ZNF131: variants seen among roughly 807,000 people sequenced by gnomAD.
ZNF131 encodes zinc finger protein 131.
In ZNF131, 7 loss-of-function variants were observed where a neutral mutation model predicts 60.0. The observed-to-expected ratio is 0.12, with a 90% CI of 0.07 to 0.22. The LOEUF (loss-of-function observed/expected upper bound fraction) is 0.22, where lower values mean the gene tolerates loss of function less well. ZNF131 is among the 10% of genes least tolerant of loss of function. ZNF131 has a pLI of 1.00. For missense variants in ZNF131, 493 were observed against 740.9 expected (o/e 0.67, Z 3.88); for synonymous variants, 257 against 253.2 (o/e 1.01, Z -0.14).
chr5:43,174,071 T>TA (rs1751312068), intron 6 of ZNF131, among the ~76,000 whole-genome samples: 1 of 151,988 alleles, frequency 6.6e-6, no homozygotes, highest in South Asian at 2.1e-4. Context: ...CTACTAAAAA[T>TA]ACAAAAGTTA....
chr5:43,168,136 A>G (rs1040203817), intron 5 of ZNF131: 1 of 309,670 alleles, frequency 3.2e-6, no homozygotes, highest in Non-Finnish European at 6.4e-6. Context: ...GAATGGATTA[A>G]TCTCTTCATG....
chr5:43,148,910 A>G (rs1016567862), intron 4 of ZNF131, among the ~76,000 whole-genome samples: 10 of 152,048 alleles, frequency 6.6e-5, no homozygotes, highest in African/African-American at 1.7e-4. Flanking sequence ...CCCTATTCCT[A>G]TCTTCATCCC....
At chr5:43,125,773 T>G (rs764534298) in intron 3 of ZNF131, among the ~76,000 whole-genome samples, 1 of 150,934 alleles carries the variant, frequency 6.6e-6, no homozygotes, top group Admixed American at 6.6e-5. Context: ...AGAGTGAAAC[T>G]CCGTCTCAAA....
At chr5:43,151,977 G>A (rs2111754611) in intron 4 of ZNF131, among the ~76,000 whole-genome samples, 1 of 145,540 alleles carries the variant, frequency 6.9e-6, no homozygotes, top group East Asian at 2.1e-4. Flanking sequence ...ACTGAGGACA[G>A]GACAGTCAGT....
At chr5:43,121,921 T>C (rs1695091997) in intron 1 of ZNF131, 118 bp from the exon 2 acceptor site, 1 of 1,164,458 alleles carries the variant, frequency 8.6e-7, no homozygotes, top group Non-Finnish European at 1.2e-6. Flanking sequence ...CTCCTCTTGC[T>C]TCACCCTCCC....
At chr5:43,121,920 C>A in intron 1 of ZNF131, 119 bp from the exon 2 acceptor site, 1 of 1,151,964 alleles carries the variant, frequency 8.7e-7, no homozygotes, top group Non-Finnish European at 1.2e-6. Context: ...TCTCCTCTTG[C>A]TTCACCCTCC....
At chr5:43,124,851 CCTCTT>C (rs1278158093) in intron 3 of ZNF131, 1 of 149,882 alleles carries the variant, frequency 6.7e-6, no homozygotes, top group Non-Finnish European at 1.5e-5. Context: ...ATTAGGGAGA[CCTCTT>C]CTCTACAAAA....
chr5:43,154,779 T>C (rs1167544342), intron 4 of ZNF131, among the ~76,000 whole-genome samples: 1 of 152,156 alleles, frequency 6.6e-6, no homozygotes, highest in African/African-American at 2.4e-5. Context: ...TAGTCCCTTA[T>C]CTTGCACATC....
intron 2 of ZNF131, 22 bp downstream of exon 2, chr5:43,122,199 G>A (rs780744251): frequency 2.5e-6 from 4 of 1,586,164 alleles, no homozygotes; most frequent in African/African-American, 1.4e-5. Context: ...AGTGGGCAGA[G>A]GAGCGAATTT....
chr5:43,175,067 A>C lies in ZNF131; in HGVS notation c.1806A>C (p.Pro602=). The C allele has an allele frequency of 6.2e-7, 1 of 1,614,246 alleles. No individual in the cohort carries two copies. The highest frequency in any genetic ancestry group is 1.7e-5 in the Admixed American group (1 of 60,026). ...ATGCTGAGGATTTAGAGACCAAGCC[A>C]ACAGTGGATTCTGAAGCAGAAAAGG... The part of the protein sequence containing the change: ...HEDAEDLETK[P]TVDSEAEKAE... Residue 602 remains proline, a synonymous_variant, in exon 7 of 7, where the codon CCA becomes CCC. Transcript: ENST00000682664.
intron 4 of ZNF131, among the ~76,000 whole-genome samples, chr5:43,149,859 G>T (rs559541124): frequency 4.6e-5 from 7 of 152,118 alleles, no homozygotes; most frequent in Admixed American, 4.6e-4. Flanking sequence ...TCTTTTGCCT[G>T]TTTTTTAAAA....
intron 5 of ZNF131, among the ~76,000 whole-genome samples, chr5:43,171,808 C>T (rs551981072): frequency 6.6e-6 from 1 of 152,064 alleles, no homozygotes; most frequent in Admixed American, 6.5e-5. Flanking sequence ...TTGGTAGAGT[C>T]GGAGATTCGC....
At chr5:43,136,037 C>T (rs1184262193) in intron 3 of ZNF131, among the ~76,000 whole-genome samples, 3 of 152,132 alleles carry the variant, frequency 2.0e-5, no homozygotes, top group Non-Finnish European at 4.4e-5. Flanking sequence ...ATCGCTTGAA[C>T]CCGGGAGGTG....
chr5:43,155,645 T>C (rs1004183128), intron 4 of ZNF131, among the ~76,000 whole-genome samples: 3 of 152,184 alleles, frequency 2.0e-5, no homozygotes, highest in African/African-American at 7.2e-5. Context: ...GCAGGTTAGC[T>C]GATAGAAAGG....
At chr5:43,146,308 C>T (rs1747568331) in intron 4 of ZNF131, among the ~76,000 whole-genome samples, 1 of 152,152 alleles carries the variant, frequency 6.6e-6, no homozygotes, top group East Asian at 1.9e-4. Context: ...CTGCGTATGG[C>T]CGGGCGCGGT....
chr5:43,132,858 A>C (rs1745540808), intron 3 of ZNF131, among the ~76,000 whole-genome samples: 1 of 152,096 alleles, frequency 6.6e-6, no homozygotes, highest in Admixed American at 6.6e-5. Context: ...TTGAACACTT[A>C]AATGATATTC....
chr5:43,143,893 CAGAGCTTTTTTTTTTTTTTTTTTT>C (rs1336902279), intron 4 of ZNF131, among the ~76,000 whole-genome samples: 1 of 99,952 alleles, frequency 1.0e-5, no homozygotes, highest in Non-Finnish European at 1.9e-5. Context: ...GGAATATTGT[CAGAGCTTTTTTTTTTTTTTTTTTT>C]TTTTTTTTTT....
intron 4 of ZNF131, among the ~76,000 whole-genome samples, chr5:43,158,282 T>G (rs1030780858): frequency 6.7e-6 from 1 of 150,284 alleles, no homozygotes; most frequent in Non-Finnish European, 1.5e-5. Context: ...TTTTTCTGTT[T>G]TGTTTTGTTT....
intron 5 of ZNF131, among the ~76,000 whole-genome samples, chr5:43,169,868 G>A (rs911740911): frequency 2.0e-5 from 3 of 151,092 alleles, no homozygotes; most frequent in African/African-American, 7.3e-5. Flanking sequence ...TAGGCTCACT[G>A]CAACCTCCGT....
Sources: allele counts gnomAD v4.1 joint callset (sites outside exome capture counted in the v4.1 genomes callset), GRCh38; gene constraint gnomAD v4.1.1; transcripts MANE v1.5; gene names NCBI Gene and HGNC (gene_info 2026-07-23, HGNC 2026-07-21).